Variants in DCLK2 observed in about 807,000 individuals in gnomAD.
DCLK2 encodes the protein doublecortin like kinase 2.
Under a neutral mutation model 78.4 loss-of-function variants are expected in DCLK2, and 31 were observed. The observed-to-expected ratio is 0.40, with a 90% confidence interval of 0.30 to 0.53. DCLK2 has a LOEUF of 0.53. Ranked by LOEUF, DCLK2 falls within the 20% of genes least tolerant of loss-of-function variation. The pLI is 0.61. For missense variants in DCLK2, 872 were observed against 973.7 expected (o/e 0.90, Z 1.39); for synonymous variants, 407 against 374.9 (o/e 1.09, Z -0.99).
rs146881268 is a variant in DCLK2 at position 150,238,342 on chromosome 4, A to G, written c.1567-1400A>G. On this transcript the variant is annotated intron_variant, in intron 10 of 15. Transcript: ENST00000296550. ...ATAGTCATTGCCCTATTACCCATTT[A>G]TGTTGCCCTTAGTTTTTAAAAGTCA... is the stretch of plus-strand genomic sequence containing the variant. Among the ~76,000 whole-genome samples, 67 of 152,228 alleles carry G rather than the reference A, an allele frequency of 4.4e-4. No individual in the cohort carries two copies. The East Asian group carries it at 0.012, about 27-fold the overall frequency.
intron 5 of DCLK2, among the ~76,000 whole-genome samples, chr4:150,211,384 C>T (rs1359969288): frequency 2.0e-5 from 3 of 151,960 alleles, no homozygotes; most frequent in Non-Finnish European, 4.4e-5. Context: ...GAAGCCAGAC[C>T]CCATCTCTTC....
intron 1 of DCLK2, among the ~76,000 whole-genome samples, chr4:150,084,070 G>A (rs1342501317): frequency 6.6e-6 from 1 of 152,234 alleles, no homozygotes. Context: ...GGGCTTCCTA[G>A]AGGAACAGAC....
At chr4:150,155,037 C>A (rs1240720708) in intron 2 of DCLK2, among the ~76,000 whole-genome samples, 3 of 152,168 alleles carry the variant, frequency 2.0e-5, no homozygotes, top group South Asian at 2.1e-4. Flanking sequence ...TCAAGGCTAG[C>A]TTGGGCAACA....
chr4:150,198,910 A>ACC (rs397805427), intron 4 of DCLK2: 22,047 of 238,840 alleles, frequency 0.092, 2,055 homozygotes, highest in African/African-American at 0.2. Flanking sequence ...CCCTTTCAGC[A>ACC]CCCCCCCCCC....
chr4:150,198,923 C>CCCCCTT, intron 4 of DCLK2: 1 of 477,806 alleles, frequency 2.1e-6, no homozygotes, highest in Non-Finnish European at 3.5e-6. Context: ...CCCCCCCCCA[C>CCCCCTT]TTTCTGTAGG....
chr4:150,213,084 C>A (rs1740433189), intron 5 of DCLK2, among the ~76,000 whole-genome samples: 1 of 152,174 alleles, frequency 6.6e-6, no homozygotes, highest in East Asian at 1.9e-4. Flanking sequence ...AGTAAGCCAA[C>A]ACCTTACTCG....
At chr4:150,236,620 C>T (rs1459746) in intron 10 of DCLK2, among the ~76,000 whole-genome samples, 133,635 of 152,198 alleles carry the variant, frequency 0.88, 59,069 homozygotes, top group Middle Eastern at 0.96. Context: ...TTATTAAAGG[C>T]AACTGTTTTT....
intron 12 of DCLK2, among the ~76,000 whole-genome samples, chr4:150,244,965 C>A (rs6841244): frequency 6.6e-6 from 1 of 151,522 alleles, no homozygotes; most frequent in Admixed American, 6.6e-5. Flanking sequence ...ATTTGAGATT[C>A]CAGAAAAAAT....
rs186027609 is a variant in DCLK2 at position 150,090,409 on chromosome 4, C to T, written c.421+10961C>T. Among the ~76,000 whole-genome samples the T allele has an allele frequency of 2.2e-4, 33 of 149,386 alleles. No individual in the cohort carries two copies. In the East Asian group the frequency reaches 6.4e-3, roughly 29 times the overall value. On this transcript the variant is annotated intron_variant, in intron 1 of 15. Transcript: ENST00000296550. Reference sequence around the variant, plus strand: ...CTGGGCAACAAGATCAAAACTCCATCTCAAAATAATGATAAAAACAAAACA... The same window carrying T: ...CTGGGCAACAAGATCAAAACTCCATTTCAAAATAATGATAAAAACAAAACA...
intron 4 of DCLK2, chr4:150,199,108 T>C (rs1326824413): frequency 6.3e-7 from 1 of 1,584,514 alleles, no homozygotes; most frequent in Non-Finnish European, 8.5e-7. Context: ...GCTTTGTTGC[T>C]CTGCTGGGTT....
intron 4 of DCLK2, chr4:150,198,966 A>T: frequency 9.7e-7 from 1 of 1,031,918 alleles, no homozygotes; most frequent in Non-Finnish European, 1.3e-6. Context: ...ACGCACATTT[A>T]GAGCTGCTGA....
At chr4:150,236,429 C>T (rs139002627) in intron 10 of DCLK2, among the ~76,000 whole-genome samples, 29 of 152,256 alleles carry the variant, frequency 1.9e-4, no homozygotes, top group East Asian at 1.5e-3. Context: ...TCAGTCTCCT[C>T]GTTTGTAAAA....
chr4:150,210,394 T>G (rs1740202411), intron 5 of DCLK2, among the ~76,000 whole-genome samples: 1 of 152,118 alleles, frequency 6.6e-6, no homozygotes, highest in Non-Finnish European at 1.5e-5. Context: ...GACTCCAGAT[T>G]TTATTACCTC....
At chr4:150,151,048 T>C (rs1330264857) in intron 2 of DCLK2, among the ~76,000 whole-genome samples, 2 of 152,204 alleles carry the variant, frequency 1.3e-5, no homozygotes, top group Admixed American at 6.5e-5. Flanking sequence ...TGTCGCCAGC[T>C]CTCCTGCCAC....
chr4:150,079,359 C>G lies in DCLK2; in HGVS notation c.332C>G (p.Ser111Trp). 6.3e-7 allele frequency: 1 copy of G among 1,588,874 alleles called. No individual in the cohort carries two copies. The highest frequency in any genetic ancestry group is 2.3e-5 in the East Asian group (1 of 43,360). The part of the protein sequence containing the change: ...ALLIELTRSL[S>W]DNVNLPQGVR... The stretch of plus-strand genomic sequence containing the variant: ...CTCATAGAGCTCACCCGCTCCCTGT[C>G]GGACAACGTGAACCTGCCCCAGGGT... Residue 111 changes from serine to tryptophan, a missense_variant, in exon 1 of 16, where the codon TCG becomes TGG. Around this residue, in one of 3 missense-constraint regions of DCLK2, gnomAD observed 567 missense variants for 593.4 expected, o/e 0.96. Coordinates refer to ENST00000296550, the MANE Select transcript of DCLK2 (RefSeq NM_001040260.4).
At chr4:150,220,553 A>G (rs879807438) in intron 5 of DCLK2, 150 bp from the exon 6 acceptor site, 20 of 614,430 alleles carry the variant, frequency 3.3e-5, no homozygotes, top group Admixed American at 1.4e-4. Context: ...TGATGTGCAT[A>G]AGGAGAGAGG....
chr4:150,149,862 C>T (rs1245425045), intron 2 of DCLK2, among the ~76,000 whole-genome samples: 1 of 152,174 alleles, frequency 6.6e-6, no homozygotes, highest in Non-Finnish European at 1.5e-5. Context: ...TTTCAAAGTG[C>T]TACTGAATTA....
At chr4:150,126,832 G>C (rs1732951132) in intron 2 of DCLK2, among the ~76,000 whole-genome samples, 1 of 152,106 alleles carries the variant, frequency 6.6e-6, no homozygotes, top group African/African-American at 2.4e-5. Context: ...AAATGTCTTT[G>C]TTTTAGTACA....
Position 150,129,040 on chromosome 4 carries a change from A to G in DCLK2, c.756+26228A>G, listed in dbSNP as rs150245823. ...GCTACTGAGCTTGTGAACATTTTTC[A>G]CTAGCATATACCTGACATAACTATT... is the stretch of plus-strand genomic sequence containing the variant. On this transcript the variant is annotated intron_variant, in intron 2 of 15. Transcript: ENST00000296550. Among the ~76,000 whole-genome samples, 411 of 152,246 alleles carry G rather than the reference A, an allele frequency of 2.7e-3. 3 individuals are homozygous for G. Among genetic ancestry groups the G allele is most frequent in the African/African-American group, 9.7e-3 (404 of 41,514 alleles).
Sources: gnomAD v4.1 joint callset for allele counts (sites outside exome capture counted in the v4.1 genomes callset) on GRCh38, gnomAD v4.1.1 for gene constraint, gnomAD v4.1.1 regional missense constraint, MANE v1.5 for transcripts, NCBI Gene and HGNC (gene_info 2026-07-23, HGNC 2026-07-21) for gene names.